The following RSF1 variants were observed in gnomAD, a reference collection of about 807,000 sequenced individuals.
RSF1 encodes the protein remodeling and spacing factor 1.
Under a neutral mutation model 145.2 loss-of-function variants are expected in RSF1, and 13 were observed. The ratio of observed to expected loss-of-function variants is 0.09; its 90% CI spans 0.06 to 0.14. RSF1 has a LOEUF of 0.14. Among genes scored for constraint, RSF1 ranks in the 10% least tolerant of loss-of-function variants. RSF1 has a pLI of 1.00. For synonymous variants in RSF1, 577 were observed against 592.6 expected, an observed-to-expected ratio of 0.97 and a Z score of 0.38; for missense variants, 1,517 against 1,718.2, an observed-to-expected ratio of 0.88 and a Z score of 2.07.
chr11:77,709,570 C>T (rs1960631315), intron 5 of RSF1, among the ~76,000 whole-genome samples: 1 of 152,062 alleles, frequency 6.6e-6, no homozygotes, highest in Non-Finnish European at 1.5e-5. Flanking sequence ...TTAACAGTTT[C>T]CAAAATGGGT....
intron 2 of RSF1, among the ~76,000 whole-genome samples, chr11:77,758,937 T>C (rs1443021875): frequency 6.6e-6 from 1 of 152,228 alleles, no homozygotes; most frequent in African/African-American, 2.4e-5. Context: ...GATGTACAAA[T>C]GTTTTAAAAT....
At chr11:77,761,417 T>C (rs1166649931) in intron 2 of RSF1, among the ~76,000 whole-genome samples, 3 of 152,120 alleles carry the variant, frequency 2.0e-5, no homozygotes, top group Non-Finnish European at 4.4e-5. Flanking sequence ...ACTTAGAAAT[T>C]ATTCTGAGGC....
At chr11:77,852,004 A>C in the RSF1 span, among the ~76,000 whole-genome samples, 1 of 152,266 alleles carries the variant, frequency 6.6e-6, no homozygotes, top group African/African-American at 2.4e-5. Context: ...ACATTCTGCC[A>C]CATTTGCTTT....
chr11:77,831,862 ATTTTTTTTTTTTTTT>A, the RSF1 span: 4 of 80,790 alleles, frequency 5.0e-5, no homozygotes, highest in African/African-American at 1.8e-4. Context: ...TGCCTGGCTA[ATTTTTTTTTTTTTTT>A]TTTTTTTTTT....
chr11:77,824,486 G>T (rs898220850), upstream of RSF1, among the ~76,000 whole-genome samples: 3 of 152,050 alleles, frequency 2.0e-5, no homozygotes, highest in African/African-American at 7.2e-5. Context: ...ATACCAAAAA[G>T]TCAAAAACAA....
At chr11:77,803,853 G>A (rs543092710) in intron 1 of RSF1, among the ~76,000 whole-genome samples, 2 of 152,296 alleles carry the variant, frequency 1.3e-5, no homozygotes, top group African/African-American at 2.4e-5. Flanking sequence ...GCCAAGGCAG[G>A]AGGATCATTT....
intron 2 of RSF1, among the ~76,000 whole-genome samples, chr11:77,748,828 G>C (rs1948030430): frequency 6.6e-6 from 1 of 152,164 alleles, no homozygotes; most frequent in Non-Finnish European, 1.5e-5. Flanking sequence ...ACACAAGAAA[G>C]AGGAAAACGT....
At chr11:77,868,272 T>G in the RSF1 span, among the ~76,000 whole-genome samples, 12 of 151,800 alleles carry the variant, frequency 7.9e-5, no homozygotes, top group Non-Finnish European at 1.8e-4. Flanking sequence ...AGCCAGGATG[T>G]TCTTGATCTC....
At chr11:77,746,002 G>A (rs1471118188) in intron 3 of RSF1, among the ~76,000 whole-genome samples, 1 of 151,880 alleles carries the variant, frequency 6.6e-6, no homozygotes, top group Non-Finnish European at 1.5e-5. Flanking sequence ...TATAATGTAT[G>A]TAATACTAAA....
intron 1 of RSF1, among the ~76,000 whole-genome samples, chr11:77,792,844 A>G (rs1420264335): frequency 1.3e-5 from 2 of 152,164 alleles, no homozygotes; most frequent in East Asian, 3.9e-4. Flanking sequence ...ATTCATCACC[A>G]TTAAAGGGAA....
chr11:77,709,381 G>A (rs953713135), intron 5 of RSF1, among the ~76,000 whole-genome samples: 2 of 152,058 alleles, frequency 1.3e-5, no homozygotes, highest in East Asian at 1.9e-4. Context: ...TTTTGTTCAC[G>A]GCTACATTCA....
chr11:77,765,050 T>G (rs968273532), intron 1 of RSF1, among the ~76,000 whole-genome samples: 1 of 152,112 alleles, frequency 6.6e-6, no homozygotes, highest in Non-Finnish European at 1.5e-5. Context: ...TGTATGAGTA[T>G]GGGGACAGGG....
chr11:77,684,492 G>A (rs1292583132), intron 10 of RSF1, among the ~76,000 whole-genome samples: 1 of 152,090 alleles, frequency 6.6e-6, no homozygotes, highest in Non-Finnish European at 1.5e-5. Context: ...TACATAAACA[G>A]CATGCAAAAC....
the RSF1 span, among the ~76,000 whole-genome samples, chr11:77,840,769 G>A: frequency 1.3e-5 from 2 of 152,030 alleles, no homozygotes. Flanking sequence ...TGCATGCCTT[G>A]TAATTTTTTG....
At chr11:77,704,196 G>C (rs1960489774) in intron 5 of RSF1, among the ~76,000 whole-genome samples, 1 of 152,152 alleles carries the variant, frequency 6.6e-6, no homozygotes, top group Non-Finnish European at 1.5e-5. Flanking sequence ...TGGGTAGGCT[G>C]AGGTGGAAGG....
the RSF1 span, chr11:77,842,526 A>G: frequency 1.9e-6 from 3 of 1,613,866 alleles, no homozygotes; most frequent in East Asian, 2.2e-5. Context: ...CTTCCTTATC[A>G]TGGGGGCAAA....
chr11:77,829,127 T>C, the RSF1 span, among the ~76,000 whole-genome samples: 23 of 152,288 alleles, frequency 1.5e-4, no homozygotes, highest in African/African-American at 3.1e-4. Context: ...TTAAACAATG[T>C]CATGAGGGTG....
At chr11:77,755,158 C>T (rs1948103090) in intron 2 of RSF1, among the ~76,000 whole-genome samples, 1 of 152,166 alleles carries the variant, frequency 6.6e-6, no homozygotes, top group Non-Finnish European at 1.5e-5. Flanking sequence ...ATTAATGCTT[C>T]ATTTGAAATC....
chr11:77,756,481 TAAC>T (rs1428090808), intron 2 of RSF1, among the ~76,000 whole-genome samples: 1 of 152,084 alleles, frequency 6.6e-6, no homozygotes, highest in African/African-American at 2.4e-5. Context: ...TAAATTCTCA[TAAC>T]AACCTTTTCA....
Sources: allele counts gnomAD v4.1 joint callset (sites outside exome capture counted in the v4.1 genomes callset), GRCh38; gene constraint gnomAD v4.1.1; transcripts MANE v1.5; gene names NCBI Gene and HGNC (gene_info 2026-07-23, HGNC 2026-07-21).